CRYGN: variants seen among roughly 807,000 people sequenced by gnomAD.
CRYGN encodes gamma-crystallin N.
Under a neutral mutation model 19.2 loss-of-function variants are expected in CRYGN, and 17 were observed. That is an observed-to-expected ratio of 0.89 (90% CI 0.61 to 1.33). CRYGN has a LOEUF of 1.33. Ranked by LOEUF, CRYGN falls within the 40% of genes most tolerant of loss-of-function variation. CRYGN has a pLI of 0.00. For synonymous variants in CRYGN, 84 were observed against 85.8 expected (o/e 0.98, Z 0.12); for missense variants, 239 against 239.6 (o/e 1.00, Z 0.02).
intron 1 of CRYGN, 95 bp from the exon 2 acceptor site, chr7:151,438,339 C>T (rs1358543924): frequency 1.5e-6 from 2 of 1,311,638 alleles, no homozygotes; most frequent in Non-Finnish European, 2.1e-6. Flanking sequence ...GATGGAACCC[C>T]TACTCCCAGG....
chr7:151,437,940 T>C, intron 2 of CRYGN, 56 bp downstream of exon 2: 2 of 1,604,204 alleles, frequency 1.2e-6, no homozygotes, highest in African/African-American at 2.7e-5. Context: ...CTGCCAGGGC[T>C]GACCCTCGGT....
In CRYGN at chr7:151,430,119, C is replaced by G. The variant is rs1801430162; in HGVS notation, c.478G>C (p.Asp160His). 2 of 1,606,858 alleles carry G rather than the reference C, an allele frequency of 1.2e-6. No homozygotes were observed. The highest frequency in any genetic ancestry group is 2.2e-5 in the South Asian group (2 of 90,906). The stretch of plus-strand genomic sequence containing the variant: ...GTGGTGGCCTCTTCCGGTCCTTGAT[C>G]TGATTGAAGAGAGCTGCTCAGCTGG... ...DFQLSSSLQSDQGPEEATTKP... is the reference protein window; with the variant it reads ...DFQLSSSLQSHQGPEEATTKP... The change falls in exon 4 of 4, where the codon GAT (aspartate) becomes CAT (histidine). Residue 160 changes from aspartate (D) to histidine (H), a missense_variant. Transcript: ENST00000337323. The surrounding 1 kb of genome is among the most constrained non-coding windows in gnomAD (Gnocchi z 5.2).
At chr7:151,432,191 C>A (rs527315716) in intron 3 of CRYGN, 5 of 1,232,060 alleles carry the variant, frequency 4.1e-6, no homozygotes, top group South Asian at 4.1e-5. Flanking sequence ...TGCACTCGTG[C>A]GCTGTGGGCC....
In CRYGN at chr7:151,433,654, A is replaced by T. The variant is rs1801527067; in HGVS notation, c.416+2526T>A. 1 of 155,004 alleles carries T rather than the reference A, an allele frequency of 6.5e-6. No individual in the cohort carries two copies. Among genetic ancestry groups the T allele is most frequent in the Non-Finnish European group, 1.5e-5 (1 of 68,390 alleles). 9.6% of individuals were successfully genotyped at this position (155,004 alleles called of 1,614,324 possible). A position where few individuals can be genotyped will look rare whatever the true frequency, so the allele number is the denominator to read the frequency against. On this transcript the variant is annotated intron_variant, in intron 3 of 3. Transcript: ENST00000337323. This position sits in a 1 kb window ranked among gnomAD's most constrained non-coding sequence, Gnocchi z 5.1. ...CTTTCCAACCCCACACCTGTGCCAC[A>T]GCTGGGGCCTCAGAGGCACCTCAGA...
Position 151,436,446 on chromosome 7 carries a change from C to T in CRYGN, c.271-121G>A. 1 of 762,304 alleles carries T rather than the reference C, an allele frequency of 1.3e-6. No individual in the cohort carries two copies. The highest frequency in any genetic ancestry group is 2.0e-6 in the Non-Finnish European group (1 of 507,498). The allele number at this position is 762,304 out of a possible 1,614,324, so 47.2% of individuals were successfully genotyped here. On this transcript the variant is annotated intron_variant, in intron 2 of 3. Transcript: ENST00000337323. This position sits in a 1 kb window ranked among gnomAD's most constrained non-coding sequence, Gnocchi z 5.1. ...ACCCAAGGCACTGGGCACCCCCACC[C>T]CACACACTTCAACCCCACACTTCTG... is the stretch of plus-strand genomic sequence containing the variant.
At chr7:151,432,568 C>T (rs1037111097) in intron 3 of CRYGN, among the ~76,000 whole-genome samples, 22 of 152,304 alleles carry the variant, frequency 1.4e-4, no homozygotes, top group Non-Finnish European at 2.5e-4. Flanking sequence ...TTTTGGGAGG[C>T]CGAGGCAGGC....
chr7:151,429,595 C>A lies in CRYGN; in HGVS notation c.*453G>T. The A allele has an allele frequency of 4.9e-6, 1 of 205,954 alleles. No homozygotes were observed. The highest frequency in any genetic ancestry group is 1.0e-5 in the Non-Finnish European group (1 of 100,474). The allele number at this position is 205,954 out of a possible 1,614,324, so 12.8% of individuals were successfully genotyped here. A position where few individuals can be genotyped will look rare whatever the true frequency, so the allele number is the denominator to read the frequency against. On this transcript the variant is annotated 3_prime_UTR_variant, in exon 4 of 4. Coordinates refer to ENST00000337323, the MANE Select transcript of CRYGN (RefSeq NM_144727.3). The stretch of plus-strand genomic sequence containing the variant: ...GTTTTAGTCCTGACTGCTGTGTGAC[C>A]CTGGGCAAGTTGCTTAACCTGTCTG...
At position 151,429,994 on chromosome 7, in the gene CRYGN, C is replaced by T. The variant is rs1315656367; in HGVS notation, c.*54G>A. ...CTGAGGGCATGATTTTAAGTAAACACTCTCCCGGCTCAGAAACGGTGCAGG... is the reference window on the plus strand; with the variant it reads ...CTGAGGGCATGATTTTAAGTAAACATTCTCCCGGCTCAGAAACGGTGCAGG... On this transcript the variant is annotated 3_prime_UTR_variant, in exon 4 of 4. Transcript: ENST00000337323. 1 of 800,746 alleles carries T rather than the reference C, an allele frequency of 1.2e-6. No homozygotes were observed. The highest frequency in any genetic ancestry group is 1.7e-5 in the Admixed American group (1 of 58,846). 49.6% of individuals were successfully genotyped at this position (800,746 alleles called of 1,614,324 possible).
intron 1 of CRYGN, chr7:151,438,812 G>A (rs2150909850): frequency 6.5e-6 from 1 of 154,078 alleles, no homozygotes; most frequent in Middle Eastern, 3.4e-3. Flanking sequence ...GTGCCACCCT[G>A]TCTCTCTGTG....
rs111260646 is a variant in CRYGN at position 151,436,091 on chromosome 7, C to T, written c.416+89G>A. The T allele has an allele frequency of 3.4e-4, 377 of 1,112,234 alleles. 5 individuals are homozygous for T. In the African/African-American group the frequency reaches 5.3e-3, roughly 16 times the overall value. 68.9% of individuals were successfully genotyped at this position (1,112,234 alleles called of 1,614,324 possible). A position where few individuals can be genotyped will look rare whatever the true frequency, so the allele number is the denominator to read the frequency against. ...CTGGAGGTCTCATTCCCACCCCACCCACCACCCCTGTGTGGCGGGCAGCCT... is the reference window on the plus strand; with the variant it reads ...CTGGAGGTCTCATTCCCACCCCACCTACCACCCCTGTGTGGCGGGCAGCCT... On this transcript the variant is annotated intron_variant, in intron 3 of 3. Transcript: ENST00000337323. This position sits in a 1 kb window ranked among gnomAD's most constrained non-coding sequence, Gnocchi z 5.1.
In CRYGN at chr7:151,435,362, G is replaced by A. The variant is rs1801577237; in HGVS notation, c.416+818C>T. On this transcript the variant is annotated intron_variant, in intron 3 of 3. Coordinates refer to ENST00000337323, the MANE Select transcript of CRYGN (RefSeq NM_144727.3). This position sits in a 1 kb window ranked among gnomAD's most constrained non-coding sequence, Gnocchi z 4.2. ...CTCCCACGGGGCGGCCGGGCAGTCA[G>A]CCTTCTGAGTCTCAGCTTGCCCTTT... is the stretch of plus-strand genomic sequence containing the variant. 6.6e-6 allele frequency among the ~76,000 whole-genome samples: 1 copy of A among 152,198 alleles called. No homozygotes were observed. Among genetic ancestry groups the A allele is most frequent in the Non-Finnish European group, 1.5e-5 (1 of 68,034 alleles).
intron 3 of CRYGN, chr7:151,432,087 G>C (rs1028463566): frequency 2.5e-6 from 2 of 801,544 alleles, no homozygotes; most frequent in Admixed American, 8.6e-5. Context: ...GGTCTGGGTG[G>C]GACCGCAAGG....
chr7:151,431,470 C>T lies in CRYGN; in HGVS notation c.417-1290G>A, dbSNP rs981468590. ...GGAATGGAGGAATTCTACAGGCGAG[C>T]GCTTGGTGCTGCACCAGCTGAAGAC... On this transcript the variant is annotated intron_variant, in intron 3 of 3. Transcript: ENST00000337323. This position sits in a 1 kb window ranked among gnomAD's most constrained non-coding sequence, Gnocchi z 4.8. 2.0e-5 allele frequency among the ~76,000 whole-genome samples: 3 copies of T among 152,158 alleles called. No homozygotes were observed. Among genetic ancestry groups the T allele is most frequent in the Admixed American group, 1.3e-4 (2 of 15,292 alleles).
At chr7:151,434,055 C>T (rs1010489943) in intron 3 of CRYGN, among the ~76,000 whole-genome samples, 5 of 152,134 alleles carry the variant, frequency 3.3e-5, no homozygotes, top group East Asian at 3.9e-4. Flanking sequence ...TGCCCACTCC[C>T]CCGACCCCAG....
rs1801507654 is a variant in CRYGN at position 151,432,992 on chromosome 7, GC to G, written c.417-2813del. On this transcript the variant is annotated intron_variant, in intron 3 of 3. Coordinates refer to ENST00000337323, the MANE Select transcript of CRYGN (RefSeq NM_144727.3). ...GCCATGGTCACACAACACGGTTCCTGCCCCCTCCTGCCCTCACGGGGCCTCC... is the reference window on the plus strand; with the variant it reads ...GCCATGGTCACACAACACGGTTCCTGCCCCTCCTGCCCTCACGGGGCCTCC... Among the ~76,000 whole-genome samples the G allele has an allele frequency of 3.3e-5, 5 of 152,340 alleles. No individual in the cohort carries two copies. The South Asian group carries it at 1.0e-3, about 32-fold the overall frequency.
chr7:151,433,732 T>C lies in CRYGN; in HGVS notation c.416+2448A>G, dbSNP rs1801529044. The C allele has an allele frequency of 6.5e-6, 1 of 154,746 alleles. No homozygotes were observed. Among genetic ancestry groups the C allele is most frequent in the African/African-American group, 2.4e-5 (1 of 41,500 alleles). The allele number at this position is 154,746 out of a possible 1,614,324, so 9.6% of individuals were successfully genotyped here. A position where few individuals can be genotyped will look rare whatever the true frequency, so the allele number is the denominator to read the frequency against. ...GGTGGGCAAGAAATGCCCCAAGCCA[T>C]GTCCTGGGCCACATGAGGGTTCTCA... On this transcript the variant is annotated intron_variant, in intron 3 of 3. Coordinates refer to ENST00000337323, the MANE Select transcript of CRYGN (RefSeq NM_144727.3). The surrounding 1 kb of genome is among the most constrained non-coding windows in gnomAD (Gnocchi z 5.1).
rs1026082179 is a variant in CRYGN, at chr7:151,440,121, C to T, written c.-204G>A. 29 of 1,345,680 alleles carry T rather than the reference C, an allele frequency of 2.2e-5. No individual in the cohort carries two copies. The highest frequency in any genetic ancestry group is 9.2e-5 in the African/African-American group (6 of 64,976). The allele number at this position is 1,345,680 out of a possible 1,614,324, so 83.4% of individuals were successfully genotyped here. A position where few individuals can be genotyped will look rare whatever the true frequency, so the allele number is the denominator to read the frequency against. ...GAGTGCAGCCCGCCCTGCCCGGGGT[C>T]TCCCTGTGCTCTCCGCGTTTAGCTC... On this transcript the variant is annotated 5_prime_UTR_variant, in exon 1 of 4. Transcript: ENST00000337323.
At position 151,438,089 on chromosome 7, in the gene CRYGN, G is replaced by A. The variant is rs753811317; in HGVS notation, c.177C>T (p.Gly59=). The A allele has an allele frequency of 6.2e-7, 1 of 1,614,174 alleles. No homozygotes were observed. The highest frequency in any genetic ancestry group is 1.1e-5 in the South Asian group (1 of 91,084). ...CGCCGTGCTCCAAGATGAACTGCTG[G>A]CCCCGGAAGTCGGGGTGATTGAAGC... ...WVCFNHPDFR[G]QQFILEHGDY... The change falls in exon 2 of 4, where the codon GGC becomes GGT. Residue 59 remains glycine (G), a synonymous_variant. Transcript: ENST00000337323.
chr7:151,439,991 A>G lies in CRYGN; in HGVS notation c.-74T>C, dbSNP rs1801723403. Reference sequence around the variant, plus strand: ...CTGCTGGCTCAGCGCCGCCCCGGACAAAAGATTTGCTGGGCCGGCCCCGGA... The same window carrying G: ...CTGCTGGCTCAGCGCCGCCCCGGACGAAAGATTTGCTGGGCCGGCCCCGGA... On this transcript the variant is annotated 5_prime_UTR_variant, in exon 1 of 4. Coordinates refer to ENST00000337323, the MANE Select transcript of CRYGN (RefSeq NM_144727.3). The G allele has an allele frequency of 6.9e-7, 1 of 1,441,860 alleles. No individual in the cohort carries two copies. Among genetic ancestry groups the G allele is most frequent in the Non-Finnish European group, 9.1e-7 (1 of 1,093,798 alleles). The allele number at this position is 1,441,860 out of a possible 1,614,324, so 89.3% of individuals were successfully genotyped here. A position where few individuals can be genotyped will look rare whatever the true frequency, so the allele number is the denominator to read the frequency against.
Sources: allele counts gnomAD v4.1 joint callset (sites outside exome capture counted in the v4.1 genomes callset), GRCh38; gene constraint gnomAD v4.1.1; non-coding constraint Gnocchi (gnomAD v3.1); transcripts MANE v1.5; gene names NCBI Gene and HGNC (gene_info 2026-07-23, HGNC 2026-07-21).